CLSTN2: variants seen among roughly 807,000 people sequenced by gnomAD.
CLSTN2 encodes calsyntenin-2.
A neutral mutation model predicts 101.2 loss-of-function variants in CLSTN2; 48 were observed. That is an observed-to-expected ratio of 0.47 (90% CI 0.38 to 0.60). CLSTN2 has a LOEUF of 0.60. CLSTN2 is among the 20% of genes least tolerant of loss of function. CLSTN2 has a pLI of 0.00. For missense variants in CLSTN2, 1,160 were observed against 1,238.2 expected (o/e 0.94, Z 0.95); for synonymous variants, 481 against 463.6 (o/e 1.04, Z -0.48).
chr3:140,563,146 C>T lies in CLSTN2; in HGVS notation c.2425C>T (p.Pro809Ser), dbSNP rs780820176. The change falls in exon 15 of 17, where the codon CCC (proline) becomes TCC (serine). Residue 809 changes from proline to serine, a missense_variant. Pro to Ser is a moderately conservative substitution (Grantham distance 74, BLOSUM62 -1). Transcript: ENST00000458420. Reference protein sequence around the residue: ...EHVNHLIVQPPFLQSVHHPES... With the variant: ...EHVNHLIVQPSFLQSVHHPES... Reference sequence around the variant, plus strand: ...TGTCAATCATCTGATTGTGCAGCCTCCCTTCCTCCAGTCTGTCCATCATCC... The same window carrying T: ...TGTCAATCATCTGATTGTGCAGCCTTCCTTCCTCCAGTCTGTCCATCATCC... 2 of 1,614,046 alleles carry T rather than the reference C, an allele frequency of 1.2e-6. No individual in the cohort carries two copies. Among genetic ancestry groups the T allele is most frequent in the Non-Finnish European group, 1.7e-6 (2 of 1,180,012 alleles).
At chr3:140,330,622 C>G (rs2087373862) in intron 2 of CLSTN2, among the ~76,000 whole-genome samples, 1 of 152,184 alleles carries the variant, frequency 6.6e-6, no homozygotes, top group Non-Finnish European at 1.5e-5. Context: ...GTCTCAGGCT[C>G]TGCTTACAGG....
intron 2 of CLSTN2, among the ~76,000 whole-genome samples, chr3:140,252,672 A>T (rs1198796645): frequency 1.3e-5 from 2 of 152,212 alleles, no homozygotes; most frequent in African/African-American, 4.8e-5. Context: ...GACACATGTG[A>T]AAGTTGAGAA....
At chr3:140,184,940 A>G (rs531297406) in intron 2 of CLSTN2, among the ~76,000 whole-genome samples, 1 of 152,266 alleles carries the variant, frequency 6.6e-6, no homozygotes, top group Admixed American at 6.5e-5. Flanking sequence ...CTCCCACTCC[A>G]AGAGGAGAAG....
Position 139,935,579 on chromosome 3 carries a change from C to A in CLSTN2, c.109+96C>A. The stretch of plus-strand genomic sequence containing the variant: ...GACCTAGGCTCAAGCTGGATTTGCC[C>A]ACCCTCCCTTGCCGCAGCTTCTTTG... On this transcript the variant is annotated intron_variant, in intron 1 of 16. Coordinates refer to ENST00000458420, the MANE Select transcript of CLSTN2 (RefSeq NM_022131.3). This position sits in a 1 kb window ranked among gnomAD's most constrained non-coding sequence, Gnocchi z 5.5. The A allele has an allele frequency of 1.7e-6, 1 of 582,038 alleles. No individual in the cohort carries two copies. The highest frequency in any genetic ancestry group is 2.5e-6 in the Non-Finnish European group (1 of 395,964). 36.1% of individuals were successfully genotyped at this position (582,038 alleles called of 1,614,324 possible). A position where few individuals can be genotyped will look rare whatever the true frequency, so the allele number is the denominator to read the frequency against.
chr3:140,546,589 A>G lies in CLSTN2; in HGVS notation c.1582A>G (p.Lys528Glu). 6.2e-7 allele frequency: 1 copy of G among 1,614,124 alleles called. No homozygotes were observed. The highest frequency in any genetic ancestry group is 2.2e-5 in the East Asian group (1 of 44,878). ...SLASLTIRPG[K>E]MESQKVISCL... Reference sequence around the variant, plus strand: ...GGCCAGTCTCACCATCCGCCCTGGCAAAATGGAAAGCCAGAAGGTGATCTC... The same window carrying G: ...GGCCAGTCTCACCATCCGCCCTGGCGAAATGGAAAGCCAGAAGGTGATCTC... The change falls in exon 10 of 17, where the codon AAA becomes GAA. Residue 528 changes from lysine to glutamate, a missense_variant. Transcript: ENST00000458420.
chr3:139,977,255 G>A (rs1186422425), intron 1 of CLSTN2, among the ~76,000 whole-genome samples: 3 of 152,116 alleles, frequency 2.0e-5, no homozygotes, highest in African/African-American at 7.2e-5. Flanking sequence ...AGGCAAGCAG[G>A]CTGCAGGTTC....
In CLSTN2 at chr3:140,403,836, G is replaced by C. The variant is rs184823312; in HGVS notation, c.428+12G>C. On this transcript the variant is annotated intron_variant, in intron 3 of 16. Transcript: ENST00000458420. The stretch of plus-strand genomic sequence containing the variant: ...AAAAAGTCACACAAGTGAGTGGCCT[G>C]ACAGAGCCCTCTGGACGCCCCTCCC... 5.3e-5 allele frequency: 85 copies of C among 1,599,756 alleles called. No homozygotes were observed. The highest frequency in any genetic ancestry group is 7.3e-5 in the Non-Finnish European group (85 of 1,171,258).
At chr3:140,132,239 T>C (rs575057345) in intron 1 of CLSTN2, among the ~76,000 whole-genome samples, 1 of 152,346 alleles carries the variant, frequency 6.6e-6, no homozygotes, top group South Asian at 2.1e-4. Context: ...CTGATTTCTA[T>C]GATTTTACTG....
intron 1 of CLSTN2, among the ~76,000 whole-genome samples, chr3:140,046,585 G>A (rs1272532280): frequency 6.6e-6 from 1 of 152,210 alleles, no homozygotes; most frequent in Non-Finnish European, 1.5e-5. Flanking sequence ...TTGCTCGTTA[G>A]TTGATGCAGT....
At chr3:140,024,669 G>A (rs571792947) in intron 1 of CLSTN2, among the ~76,000 whole-genome samples, 4 of 152,150 alleles carry the variant, frequency 2.6e-5, no homozygotes, top group Non-Finnish European at 5.9e-5. Flanking sequence ...TTAGTGTTGA[G>A]TCTCACGGTG....
chr3:140,097,897 T>G (rs986032496), intron 1 of CLSTN2, among the ~76,000 whole-genome samples: 1 of 152,206 alleles, frequency 6.6e-6, no homozygotes, highest in African/African-American at 2.4e-5. Context: ...TCTCGTATTT[T>G]TGTTCTCCAT....
At chr3:140,323,092 T>C (rs1206113699) in intron 2 of CLSTN2, among the ~76,000 whole-genome samples, 2 of 152,130 alleles carry the variant, frequency 1.3e-5, no homozygotes, top group African/African-American at 2.4e-5. Context: ...CATAAGCACA[T>C]TGAATGGTGG....
intron 5 of CLSTN2, among the ~76,000 whole-genome samples, chr3:140,427,405 C>T (rs1467455478): frequency 4.0e-5 from 6 of 151,730 alleles, no homozygotes; most frequent in East Asian, 1.9e-4. Context: ...TGATGCCAGT[C>T]GCTGAGGTGG....
chr3:140,479,039 C>T (rs1198795628), intron 8 of CLSTN2, among the ~76,000 whole-genome samples: 1 of 152,022 alleles, frequency 6.6e-6, no homozygotes, highest in Non-Finnish European at 1.5e-5. Context: ...TCATAAACTC[C>T]CCTCAAATCC....
chr3:140,337,498 A>G (rs1463881651), intron 2 of CLSTN2, among the ~76,000 whole-genome samples: 4 of 152,236 alleles, frequency 2.6e-5, no homozygotes. Flanking sequence ...ATTTCTACTT[A>G]ATCACCTGCA....
intron 2 of CLSTN2, among the ~76,000 whole-genome samples, chr3:140,298,265 G>A (rs1262849605): frequency 6.6e-6 from 1 of 151,964 alleles, no homozygotes; most frequent in African/African-American, 2.4e-5. Context: ...CTGTAAAATG[G>A]GCCTAATATA....
chr3:140,350,024 G>GA (rs1305709153), intron 2 of CLSTN2, among the ~76,000 whole-genome samples: 5 of 152,164 alleles, frequency 3.3e-5, no homozygotes, highest in African/African-American at 9.7e-5. Flanking sequence ...CTGAAGTCCA[G>GA]AAAAAAGAGT....
chr3:139,967,292 C>A (rs1935617129), intron 1 of CLSTN2, among the ~76,000 whole-genome samples: 1 of 152,212 alleles, frequency 6.6e-6, no homozygotes, highest in Non-Finnish European at 1.5e-5. Context: ...TATGACTGGT[C>A]AAACAGCAGT....
rs141850151 is a variant in CLSTN2 at position 139,971,990 on chromosome 3, G to A, written c.109+36507G>A. ...TTAAAAGAACAAGTTTGAGCCAGGC[G>A]TGGTGGCTCATGCCTGTAATCCCAG... On this transcript the variant is annotated intron_variant, in intron 1 of 16. Coordinates refer to ENST00000458420, the MANE Select transcript of CLSTN2 (RefSeq NM_022131.3). Among the ~76,000 whole-genome samples the A allele has an allele frequency of 3.8e-4, 58 of 152,270 alleles. No individual in the cohort carries two copies. In the East Asian group the frequency reaches 8.3e-3, roughly 22 times the overall value.
Sources: gnomAD v4.1 joint callset for allele counts (sites outside exome capture counted in the v4.1 genomes callset) on GRCh38, gnomAD v4.1.1 for gene constraint, Gnocchi (gnomAD v3.1) non-coding constraint, MANE v1.5 for transcripts, NCBI Gene and HGNC (gene_info 2026-07-23, HGNC 2026-07-21) for gene names.